NPAS3: variants seen among roughly 807,000 people sequenced by gnomAD.
NPAS3 encodes neuronal PAS domain protein 3.
NPAS3 carries 14 observed loss-of-function variants against 73.1 expected under a neutral mutation model. The ratio of observed to expected loss-of-function variants is 0.19; its 90% CI spans 0.13 to 0.30. NPAS3 has a LOEUF of 0.30. NPAS3 is among the 10% of genes least tolerant of loss of function. NPAS3 has a pLI of 1.00. For missense variants in NPAS3, 1,096 were observed against 1,250.0 expected, an observed-to-expected ratio of 0.88 and a Z score of 1.86; for synonymous variants, 620 against 541.5, an observed-to-expected ratio of 1.14 and a Z score of -2.01.
At chr14:32,993,874 T>C (rs1390298215) in intron 1 of NPAS3, among the ~76,000 whole-genome samples, 1 of 152,236 alleles carries the variant, frequency 6.6e-6, no homozygotes, top group African/African-American at 2.4e-5. Flanking sequence ...ATCAATAAAA[T>C]GGTAGCATGA....
intron 9 of NPAS3, chr14:33,780,506 G>C: frequency 2.5e-6 from 1 of 396,196 alleles, no homozygotes; most frequent in Non-Finnish European, 4.9e-6. Flanking sequence ...TTCTCATTTT[G>C]GAATCTTAAT....
chr14:33,058,027 G>A (rs1242182809), intron 2 of NPAS3, among the ~76,000 whole-genome samples: 1 of 151,776 alleles, frequency 6.6e-6, no homozygotes, highest in Non-Finnish European at 1.5e-5. Context: ...TAGAAAGCTG[G>A]TGTTAATATA....
At position 33,800,910 on chromosome 14, in the gene NPAS3, C is replaced by T; in HGVS notation, c.2603C>T (p.Pro868Leu). Residue 868 changes from proline (P) to leucine (L), a missense_variant, in exon 12 of 12, where the codon CCC (proline) becomes CTC (leucine). Pro to Leu is a moderately conservative substitution (Grantham distance 98). Transcript: ENST00000356141. This position sits in a 1 kb window ranked among gnomAD's most constrained non-coding sequence, Gnocchi z 6.5. ...GGCTTTGGCCTCGACCCCAAGACGCCCATGGAGATGCTCTACCACCACGTG... is the reference window on the plus strand; with the variant it reads ...GGCTTTGGCCTCGACCCCAAGACGCTCATGGAGATGCTCTACCACCACGTG... 2 of 1,608,692 alleles carry T rather than the reference C, an allele frequency of 1.2e-6. No homozygotes were observed. The highest frequency in any genetic ancestry group is 1.7e-6 in the Non-Finnish European group (2 of 1,178,064).
intron 5 of NPAS3, among the ~76,000 whole-genome samples, chr14:33,664,419 G>A (rs929646818): frequency 2.0e-5 from 3 of 152,112 alleles, no homozygotes; most frequent in Admixed American, 6.6e-5. Context: ...AAAAACCCTA[G>A]AAGAAAACCA....
intron 2 of NPAS3, among the ~76,000 whole-genome samples, chr14:33,189,697 T>C (rs2139496821): frequency 6.6e-6 from 1 of 152,308 alleles, no homozygotes; most frequent in Non-Finnish European, 1.5e-5. Flanking sequence ...TATGGTCAAC[T>C]TTTATACATT....
intron 11 of NPAS3, 112 bp from the exon 12 acceptor site, chr14:33,799,622 C>T: frequency 9.1e-7 from 1 of 1,103,628 alleles, no homozygotes; most frequent in Non-Finnish European, 1.3e-6. Context: ...GACACTTGCC[C>T]TGCTCCCCGC....
In NPAS3 at chr14:33,124,438, C is replaced by A. The variant is rs145610270; in HGVS notation, c.140+68444C>A. On this transcript the variant is annotated intron_variant, in intron 2 of 11. Coordinates refer to ENST00000356141, the Ensembl canonical transcript of NPAS3. ...ACACCATCACTCTGTGTCTTTGTTT[C>A]CTCCTCTGTAAAATGAGGATAATGC... Among the ~76,000 whole-genome samples, 780 of 152,220 alleles carry A rather than the reference C, an allele frequency of 5.1e-3. 1 individual carries two copies. The highest frequency in any genetic ancestry group is 0.018 in the African/African-American group (738 of 41,522).
intron 3 of NPAS3, among the ~76,000 whole-genome samples, chr14:33,340,372 G>A (rs898443166): frequency 3.9e-5 from 6 of 152,150 alleles, no homozygotes; most frequent in Non-Finnish European, 5.9e-5. Flanking sequence ...GTGGGCGCCT[G>A]TAATCCCAAC....
intron 4 of NPAS3, among the ~76,000 whole-genome samples, chr14:33,535,988 A>T (rs1288780573): frequency 6.6e-6 from 1 of 152,178 alleles, no homozygotes; most frequent in Non-Finnish European, 1.5e-5. Context: ...CTTTGGCCAT[A>T]GAACAGAGTA....
intron 7 of NPAS3, among the ~76,000 whole-genome samples, chr14:33,736,541 T>C (rs891655734): frequency 6.6e-6 from 1 of 152,192 alleles, no homozygotes; most frequent in Non-Finnish European, 1.5e-5. Context: ...ACAGACCCTA[T>C]CCTTAGGACC....
intron 4 of NPAS3, among the ~76,000 whole-genome samples, chr14:33,516,922 T>C (rs1238757645): frequency 6.6e-6 from 1 of 152,108 alleles, no homozygotes; most frequent in Non-Finnish European, 1.5e-5. Context: ...TTCTCCCTTC[T>C]CTAAACTCAT....
chr14:33,216,938 C>A (rs146679106), intron 3 of NPAS3, among the ~76,000 whole-genome samples: 2,307 of 152,070 alleles, frequency 0.015, 25 homozygotes, highest in Middle Eastern at 0.061. Context: ...GATATCAATT[C>A]AATAACACAC....
intron 3 of NPAS3, among the ~76,000 whole-genome samples, chr14:33,219,252 A>C (rs10136871): frequency 6.6e-6 from 1 of 152,208 alleles, no homozygotes; most frequent in Non-Finnish European, 1.5e-5. Flanking sequence ...TAATCTTTAA[A>C]GCAATAGCCA....
chr14:33,717,253 G>A (rs1269624890), intron 6 of NPAS3, among the ~76,000 whole-genome samples: 4 of 140,242 alleles, frequency 2.9e-5, no homozygotes, highest in Admixed American at 7.3e-5. Context: ...AAAAAAAATC[G>A]CAAGGAGAGG....
chr14:33,667,592 A>AGAG (rs2140300715), intron 5 of NPAS3, among the ~76,000 whole-genome samples: 1 of 152,334 alleles, frequency 6.6e-6, no homozygotes, highest in East Asian at 1.9e-4. Flanking sequence ...TAGCACCTAG[A>AGAG]GAGTGTTTAG....
intron 3 of NPAS3, among the ~76,000 whole-genome samples, chr14:33,311,533 A>G (rs950896835): frequency 2.6e-5 from 4 of 152,132 alleles, no homozygotes; most frequent in Admixed American, 2.6e-4. Context: ...TCATCTGGAT[A>G]TAGCTGGTAG....
At chr14:33,343,743 A>G (rs2044600522) in intron 3 of NPAS3, among the ~76,000 whole-genome samples, 2 of 152,214 alleles carry the variant, frequency 1.3e-5, no homozygotes. Context: ...AAATAACAGA[A>G]TACGTAACAT....
rs376231194 is a variant in NPAS3, at chr14:33,535,131, C to T, written c.469-24990C>T. Among the ~76,000 whole-genome samples, 10 of 152,174 alleles carry T rather than the reference C, an allele frequency of 6.6e-5. No homozygotes were observed. The South Asian group carries it at 1.0e-3, about 16-fold the overall frequency. ...TTATCATAGAACAAGCAAAACCAAG[C>T]GTAGTATTTACTCAAATTCTATAAT... On this transcript the variant is annotated intron_variant, in intron 4 of 11. Coordinates refer to ENST00000356141, the Ensembl canonical transcript of NPAS3.
At chr14:33,369,178 G>A (rs969750010) in intron 4 of NPAS3, among the ~76,000 whole-genome samples, 6 of 151,938 alleles carry the variant, frequency 3.9e-5, no homozygotes, top group African/African-American at 1.5e-4. Context: ...CTGCAAGCTC[G>A]TTCCCATTTT....
Sources: allele counts gnomAD v4.1 joint callset (sites outside exome capture counted in the v4.1 genomes callset), GRCh38; gene constraint gnomAD v4.1.1; non-coding constraint Gnocchi (gnomAD v3.1); transcripts MANE v1.5; gene names NCBI Gene and HGNC (gene_info 2026-07-23, HGNC 2026-07-21).